Variants in PPP3R1 observed in about 807,000 individuals in gnomAD.
PPP3R1 encodes protein phosphatase 3 regulatory subunit B, alpha.
Under a neutral mutation model 22.6 loss-of-function variants are expected in PPP3R1, and 5 were observed. The observed-to-expected ratio is 0.22, with a 90% CI of 0.12 to 0.46. The LOEUF (loss-of-function observed/expected upper bound fraction) is 0.46. Ranked by LOEUF, PPP3R1 falls within the 20% of genes least tolerant of loss-of-function variation. The pLI is 0.99. For missense variants in PPP3R1, 61 were observed against 203.2 expected (o/e 0.30, Z 4.25); for synonymous variants, 56 against 65.2 (o/e 0.86, Z 0.68).
chr2:68,252,185 G>C lies in PPP3R1; in HGVS notation c.-58C>G, dbSNP rs1239795619. 6.8e-6 allele frequency: 9 copies of C among 1,319,524 alleles called. No homozygotes were observed. In the African/African-American group the frequency reaches 9.2e-5, roughly 13 times the overall value. 81.7% of individuals were successfully genotyped at this position (1,319,524 alleles called of 1,614,324 possible). Reference sequence around the variant, plus strand: ...CTGGCTCGGAGAAGTGTTGCGCTCAGGCTGGCTCGCAGGAAACGGCGGCGG... The same window carrying C: ...CTGGCTCGGAGAAGTGTTGCGCTCACGCTGGCTCGCAGGAAACGGCGGCGG... On this transcript the variant is annotated 5_prime_UTR_variant, in exon 1 of 6. Transcript: ENST00000234310.
intron 1 of PPP3R1, among the ~76,000 whole-genome samples, chr2:68,220,566 C>G (rs1669669498): frequency 6.6e-6 from 1 of 152,152 alleles, no homozygotes; most frequent in African/African-American, 2.4e-5. Context: ...AAACAAATCT[C>G]AGATCAAATT....
intron 1 of PPP3R1, among the ~76,000 whole-genome samples, chr2:68,223,303 G>T (rs950345870): frequency 2.6e-5 from 4 of 152,180 alleles, no homozygotes; most frequent in Non-Finnish European, 5.9e-5. Context: ...CGCTGAGGCA[G>T]AAGAATCGCT....
intron 5 of PPP3R1, among the ~76,000 whole-genome samples, chr2:68,185,090 G>A (rs1270365578): frequency 6.6e-6 from 1 of 151,998 alleles, no homozygotes; most frequent in Non-Finnish European, 1.5e-5. Flanking sequence ...CTGGTGGCAT[G>A]TGCCTGTAAT....
At chr2:68,221,094 G>A (rs1669680434) in intron 1 of PPP3R1, among the ~76,000 whole-genome samples, 1 of 152,142 alleles carries the variant, frequency 6.6e-6, no homozygotes, top group South Asian at 2.1e-4. Flanking sequence ...CACATTGGGA[G>A]GCCGAGGCAG....
chr2:68,232,890 A>G (rs1017657461), intron 1 of PPP3R1, among the ~76,000 whole-genome samples: 3 of 152,180 alleles, frequency 2.0e-5, no homozygotes, highest in Admixed American at 6.5e-5. Flanking sequence ...TATAGGCTTG[A>G]GCCACCACAC....
intron 1 of PPP3R1, among the ~76,000 whole-genome samples, chr2:68,232,427 T>A (rs1205155781): frequency 2.1e-5 from 3 of 145,168 alleles, no homozygotes; most frequent in Admixed American, 1.4e-4. Context: ...CGCAACAGAG[T>A]GAGACTCTTG....
chr2:68,238,577 C>G lies in PPP3R1; in HGVS notation c.3+13548G>C, dbSNP rs544102547. Among the ~76,000 whole-genome samples, 6 of 152,236 alleles carry G rather than the reference C, an allele frequency of 3.9e-5. No homozygotes were observed. In the South Asian group the frequency reaches 1.2e-3, roughly 32 times the overall value. On this transcript the variant is annotated intron_variant, in intron 1 of 5. Coordinates refer to ENST00000234310, the MANE Select transcript of PPP3R1 (RefSeq NM_000945.4). ...AGATTTTTAATTCTCAAAGACGTAG[C>G]CTTGACTTTCAAATGAAAGCATTGA... is the stretch of plus-strand genomic sequence containing the variant.
chr2:68,212,378 G>C (rs190032458), intron 2 of PPP3R1, among the ~76,000 whole-genome samples: 95 of 152,310 alleles, frequency 6.2e-4, no homozygotes, highest in Non-Finnish European at 8.5e-4. Flanking sequence ...ACTGTGCCTG[G>C]CCCTTTCCAG....
At chr2:68,240,203 C>T (rs931623365) in intron 1 of PPP3R1, among the ~76,000 whole-genome samples, 8 of 152,164 alleles carry the variant, frequency 5.3e-5, no homozygotes, top group African/African-American at 1.9e-4. Flanking sequence ...TTCAGTCAAT[C>T]GCAGGCAACC....
chr2:68,202,971 T>C (rs559394885), intron 2 of PPP3R1, among the ~76,000 whole-genome samples: 1 of 152,084 alleles, frequency 6.6e-6, no homozygotes, highest in East Asian at 1.9e-4. Flanking sequence ...CCCGGCTAAT[T>C]TGAATCCAGG....
chr2:68,183,589 T>C (rs1374286268), intron 5 of PPP3R1, among the ~76,000 whole-genome samples: 1 of 152,256 alleles, frequency 6.6e-6, no homozygotes, highest in Non-Finnish European at 1.5e-5. Context: ...ACTCCAAAAA[T>C]AGGTATGTAA....
chr2:68,213,738 A>T (rs966024840), intron 2 of PPP3R1, among the ~76,000 whole-genome samples: 2 of 152,188 alleles, frequency 1.3e-5, no homozygotes, highest in African/African-American at 4.8e-5. Context: ...ATAAAATGAG[A>T]TACACCTGCA....
intron 1 of PPP3R1, chr2:68,250,884 G>A (rs910692684): frequency 1.3e-5 from 2 of 152,114 alleles, no homozygotes; most frequent in African/African-American, 4.8e-5. Flanking sequence ...TAAGTTGTAA[G>A]CAACAGCATT....
At chr2:68,186,421 T>C (rs1315592236) in intron 5 of PPP3R1, 47 bp downstream of exon 5, 5 of 1,509,552 alleles carry the variant, frequency 3.3e-6, no homozygotes, top group African/African-American at 1.4e-5. Context: ...TTTTAAAATA[T>C]GTTGCTGAAA....
chr2:68,235,085 T>G (rs533500420), intron 1 of PPP3R1, among the ~76,000 whole-genome samples: 1 of 152,218 alleles, frequency 6.6e-6, no homozygotes, highest in East Asian at 1.9e-4. Flanking sequence ...CGAGAAAGAT[T>G]TGAGTTAGCA....
In PPP3R1 at chr2:68,188,700, A is replaced by C; in HGVS notation, c.44-10T>G. 6.4e-7 allele frequency: 1 copy of C among 1,570,480 alleles called. No homozygotes were observed. On this transcript the variant is annotated splice_polypyrimidine_tract_variant and intron_variant, in intron 2 of 5. Coordinates refer to ENST00000234310, the MANE Select transcript of PPP3R1 (RefSeq NM_000945.4). ...ATTTCATCCGCATCAACTAAAAGCA[A>C]ACAAAAAAGGAAGCAAGAATTTTTT...
At chr2:68,237,335 G>C (rs922228569) in intron 1 of PPP3R1, among the ~76,000 whole-genome samples, 6 of 152,110 alleles carry the variant, frequency 3.9e-5, no homozygotes, top group Admixed American at 6.5e-5. Context: ...CAGAAGAACT[G>C]TGAATCAGGC....
At chr2:68,202,936 G>A (rs996685099) in intron 2 of PPP3R1, among the ~76,000 whole-genome samples, 11 of 151,504 alleles carry the variant, frequency 7.3e-5, no homozygotes, top group Admixed American at 2.6e-4. Flanking sequence ...CCGAGTAGCT[G>A]GGACTACAGG....
intron 1 of PPP3R1, among the ~76,000 whole-genome samples, chr2:68,230,107 C>A (rs1048192495): frequency 1.3e-5 from 2 of 152,182 alleles, no homozygotes; most frequent in African/African-American, 4.8e-5. Context: ...ATGCCCCCAT[C>A]TCAGCCTCCT....
Sources: allele counts gnomAD v4.1 joint callset (sites outside exome capture counted in the v4.1 genomes callset), GRCh38; gene constraint gnomAD v4.1.1; transcripts MANE v1.5; gene names NCBI Gene and HGNC (gene_info 2026-07-23, HGNC 2026-07-21).